Variants in DDX42 observed in about 807,000 individuals in gnomAD.
The protein encoded by DDX42 is ATP-dependent RNA helicase DDX42.
A neutral mutation model predicts 101.5 loss-of-function variants in DDX42; 22 were observed. The ratio of observed to expected loss-of-function variants is 0.22; its 90% CI spans 0.15 to 0.31. The LOEUF is 0.31. DDX42 is among the 10% of genes least tolerant of loss of function. The pLI is 1.00. For synonymous variants in DDX42, 402 were observed against 401.2 expected (o/e 1.00, Z -0.02); for missense variants, 849 against 1,199.9 (o/e 0.71, Z 4.32).
At chr17:63,790,380 T>G (rs1320695677) in intron 2 of DDX42, among the ~76,000 whole-genome samples, 1 of 152,156 alleles carries the variant, frequency 6.6e-6, no homozygotes, top group Non-Finnish European at 1.5e-5. Flanking sequence ...ATCCCAGCAC[T>G]TTGGGAGGCC....
At chr17:63,791,969 C>T (rs1174672720) in intron 2 of DDX42, among the ~76,000 whole-genome samples, 1 of 151,940 alleles carries the variant, frequency 6.6e-6, no homozygotes, top group Non-Finnish European at 1.5e-5. Context: ...ATAGCTTGAA[C>T]CCAGAAGGCG....
intron 6 of DDX42, among the ~76,000 whole-genome samples, chr17:63,803,193 A>C (rs751079724): frequency 2.7e-4 from 41 of 152,240 alleles, no homozygotes; most frequent in Non-Finnish European, 7.3e-5. Context: ...ATGGATTATA[A>C]TGTAACAGAG....
At chr17:63,790,995 A>G (rs969569948) in intron 2 of DDX42, among the ~76,000 whole-genome samples, 8 of 152,244 alleles carry the variant, frequency 5.3e-5, no homozygotes, top group African/African-American at 1.9e-4. Context: ...AGTCAGTGTT[A>G]CATTAGTGTG....
At chr17:63,795,507 AC>A (rs1289362673) in intron 3 of DDX42, among the ~76,000 whole-genome samples, 9 of 130,612 alleles carry the variant, frequency 6.9e-5, no homozygotes, top group African/African-American at 2.9e-4. Context: ...CCACACCACC[AC>A]ACTTGGCTAA....
At position 63,805,105 on chromosome 17, in the gene DDX42, A is replaced by G. The variant is rs758688060; in HGVS notation, c.656A>G (p.Asn219Ser). The G allele has an allele frequency of 4.2e-5, 68 of 1,611,424 alleles. No homozygotes were observed. Among genetic ancestry groups the G allele is most frequent in the Non-Finnish European group, 5.3e-5 (63 of 1,179,532 alleles). ...DYPPFEKNFY[N>S]EHEEITNLTP... ...CCACCATTTGAAAAAAACTTTTACA[A>G]TGAGCATGAAGAGATAACCAACCTC... Residue 219 changes from asparagine to serine, a missense_variant, in exon 7 of 18, where the codon AAT (asparagine) becomes AGT (serine). Coordinates refer to ENST00000389924, the MANE Select transcript of DDX42 (RefSeq NM_203499.3).
chr17:63,789,008 T>G (rs774466546), intron 2 of DDX42, among the ~76,000 whole-genome samples: 29 of 152,054 alleles, frequency 1.9e-4, no homozygotes, highest in Admixed American at 1.8e-3. Context: ...AGTTAAGCAG[T>G]TCTCCCACCT....
chr17:63,793,879 T>TATATATATATATATATAA lies in DDX42; in HGVS notation c.372+1318_372+1319insTATATATATATATATAAA, dbSNP rs780884817. 1.8e-3 allele frequency among the ~76,000 whole-genome samples: 185 copies of TATATATATATATATATAA among 102,994 alleles called. 1 individual carries two copies. The highest frequency in any genetic ancestry group is 6.8e-3 in the African/African-American group (173 of 25,280). The allele number at this position is 102,994 out of a possible 152,430, so 67.6% of individuals were successfully genotyped here. On this transcript the variant is annotated intron_variant, in intron 3 of 17. Coordinates refer to ENST00000389924, the MANE Select transcript of DDX42 (RefSeq NM_203499.3). ...ATTTATATATATATATATATATATATAATTTTTTAACTGATAACAAAACCG... is the reference window on the plus strand; with the variant it reads ...ATTTATATATATATATATATATATATATATATATATATATATAAAATTTTTTAACTGATAACAAAACCG...
intron 14 of DDX42, 25 bp downstream of exon 14, chr17:63,812,233 A>AT (rs2039919078): frequency 3.1e-6 from 5 of 1,602,534 alleles, no homozygotes; most frequent in Non-Finnish European, 4.3e-6. Flanking sequence ...TTTCAACAAC[A>AT]TTAAGTTCCT....
chr17:63,799,649 A>G lies in DDX42; in HGVS notation c.471+24A>G, dbSNP rs762652621. ...AAGTGAGTTCCTATGCAGTATTTCTATCTTTTATTTTTATCCACAAAGTCT... is the reference window on the plus strand; with the variant it reads ...AAGTGAGTTCCTATGCAGTATTTCTGTCTTTTATTTTTATCCACAAAGTCT... On this transcript the variant is annotated intron_variant, in intron 5 of 17. Transcript: ENST00000389924. 8.1e-6 allele frequency: 13 copies of G among 1,608,852 alleles called. 1 individual carries two copies. The highest frequency in any genetic ancestry group is 3.3e-5 in the South Asian group (3 of 90,414).
intron 14 of DDX42, 121 bp from the exon 15 acceptor site, chr17:63,813,107 C>A (rs1042081897): frequency 1.1e-6 from 1 of 884,704 alleles, no homozygotes; most frequent in African/African-American, 1.7e-5. Flanking sequence ...TCTCAGCTCA[C>A]CAAACCCATG....
intron 6 of DDX42, among the ~76,000 whole-genome samples, chr17:63,800,987 T>A: frequency 1.4e-5 from 1 of 73,286 alleles, no homozygotes; most frequent in Non-Finnish European, 2.4e-5. Context: ...CTTTCTCCCT[T>A]TCTCTTTCCT....
intron 7 of DDX42, chr17:63,806,302 T>C (rs1255783654): frequency 3.0e-6 from 1 of 333,712 alleles, no homozygotes; most frequent in Admixed American, 4.9e-5. Context: ...TTTTTAATCA[T>C]TTAAAATTGT....
At chr17:63,799,706 T>G (rs1173714879) in intron 5 of DDX42, 81 bp downstream of exon 5, 1 of 1,408,704 alleles carries the variant, frequency 7.1e-7, no homozygotes, top group African/African-American at 1.4e-5. Context: ...TTGCCTTCAC[T>G]CAAAATGGCC....
chr17:63,786,680 C>T (rs995262154), intron 1 of DDX42, among the ~76,000 whole-genome samples: 31 of 152,002 alleles, frequency 2.0e-4, no homozygotes, highest in African/African-American at 7.5e-4. Context: ...GGGCTATATA[C>T]TTCTTTTTTG....
chr17:63,779,955 C>G (rs1442033703), intron 1 of DDX42, among the ~76,000 whole-genome samples: 3 of 152,134 alleles, frequency 2.0e-5, no homozygotes, highest in Non-Finnish European at 2.9e-5. Context: ...TCCCACAAAT[C>G]TCTGTGATTG....
At chr17:63,775,385 CTT>C (rs2144512843) in intron 1 of DDX42, among the ~76,000 whole-genome samples, 1 of 152,246 alleles carries the variant, frequency 6.6e-6, no homozygotes, top group Admixed American at 6.5e-5. Flanking sequence ...GGGAACTTAA[CTT>C]TCTAGTAGCG....
At chr17:63,800,746 AG>A (rs1229477797) in intron 6 of DDX42, 129 bp downstream of exon 6, 1 of 1,144,282 alleles carries the variant, frequency 8.7e-7, no homozygotes. Context: ...ATCTCTACTA[AG>A]TGGTTGAGCC....
chr17:63,800,632 G>A lies in DDX42; in HGVS notation c.621+15G>A. 2 of 1,609,680 alleles carry A rather than the reference G, an allele frequency of 1.2e-6. No homozygotes were observed. The highest frequency in any genetic ancestry group is 1.7e-6 in the Non-Finnish European group (2 of 1,178,374). ...ATCATTCAGAGGTATGGTGTTTCTT[G>A]CTGAATTTTACTCTTGTTTCAAGCT... On this transcript the variant is annotated intron_variant, in intron 6 of 17. Coordinates refer to ENST00000389924, the MANE Select transcript of DDX42 (RefSeq NM_203499.3).
At position 63,815,667 on chromosome 17, in the gene DDX42, G is replaced by A; in HGVS notation, c.2007G>A (p.Glu669=). 1 of 1,611,580 alleles carries A rather than the reference G, an allele frequency of 6.2e-7. No homozygotes were observed. The highest frequency in any genetic ancestry group is 8.5e-7 in the Non-Finnish European group (1 of 1,177,956). The part of the protein sequence containing the change: ...GYRERPGLGS[E]NMDRGNNNVM... ...GGGAGCGGCCTGGCCTGGGCTCTGA[G>A]AACATGGTGAGTCTAGACTACTACA... Residue 669 remains glutamate, a synonymous_variant, in exon 16 of 18, where the codon GAG becomes GAA. Coordinates refer to ENST00000389924, the MANE Select transcript of DDX42 (RefSeq NM_203499.3).
Sources: gnomAD v4.1 joint callset for allele counts (sites outside exome capture counted in the v4.1 genomes callset) on GRCh38, gnomAD v4.1.1 for gene constraint, MANE v1.5 for transcripts, NCBI Gene and HGNC (gene_info 2026-07-23, HGNC 2026-07-21) for gene names.